MYT1L: variants seen among roughly 807,000 people sequenced by gnomAD.
MYT1L encodes myelin transcription factor 1 like, also known as myelin transcription factor 1-like protein.
In MYT1L, 12 loss-of-function variants were observed where a neutral mutation model predicts 126.7. The observed-to-expected ratio is 0.09, with a 90% CI of 0.06 to 0.15. The LOEUF (loss-of-function observed/expected upper bound fraction) is 0.15. Ranked by LOEUF, MYT1L falls within the 10% of genes least tolerant of loss-of-function variation. The probability of loss-of-function intolerance (pLI) is 1.00; values close to 1 mark genes in which losing one functional copy is unlikely to be tolerated. For synonymous variants in MYT1L, 541 were observed against 604.2 expected (o/e 0.90, Z 1.53); for missense variants, 979 against 1,585.2 (o/e 0.62, Z 6.49).
intron 3 of MYT1L, among the ~76,000 whole-genome samples, chr2:2,136,858 G>A (rs2083122681): frequency 6.6e-6 from 1 of 152,156 alleles, no homozygotes; most frequent in Non-Finnish European, 1.5e-5. Flanking sequence ...GCAGGAAAAG[G>A]AAATAAAGGG....
chr2:2,014,621 C>T (rs1021730056), intron 4 of MYT1L, among the ~76,000 whole-genome samples: 7 of 152,328 alleles, frequency 4.6e-5, no homozygotes, highest in African/African-American at 1.7e-4. Flanking sequence ...GGATGGGCAC[C>T]CTGCCTGACT....
intron 3 of MYT1L, among the ~76,000 whole-genome samples, chr2:2,106,141 G>A (rs751635999): frequency 5.3e-5 from 8 of 152,310 alleles, no homozygotes; most frequent in Admixed American, 4.6e-4. Flanking sequence ...GGGATCGGAC[G>A]ACCAGAAGCC....
rs397964974 is a variant in MYT1L at position 1,966,786 on chromosome 2, A to AG, written c.152+12378dup. On this transcript the variant is annotated intron_variant, in intron 8 of 24. Coordinates refer to ENST00000647738, the MANE Select transcript of MYT1L (RefSeq NM_001303052.2). ...TTATAATGTTAAGTGAAAAAAAAAA[A>AG]GAATACAAAATACAAAAAAATTTAC... Among the ~76,000 whole-genome samples, 520 of 151,948 alleles carry AG rather than the reference A, an allele frequency of 3.4e-3. 1 individual carries two copies. The highest frequency in any genetic ancestry group is 0.012 in the African/African-American group (489 of 41,420).
chr2:2,205,769 A>G (rs983389595), intron 2 of MYT1L, among the ~76,000 whole-genome samples: 1 of 152,078 alleles, frequency 6.6e-6, no homozygotes, highest in Non-Finnish European at 1.5e-5. Flanking sequence ...CCTAGGGTAC[A>G]TTTCTAGTGA....
intron 2 of MYT1L, among the ~76,000 whole-genome samples, chr2:2,226,702 C>T (rs895582285): frequency 5.9e-5 from 9 of 152,258 alleles, no homozygotes; most frequent in South Asian, 4.1e-4. Context: ...GCTGCGTTCT[C>T]GGACCTGCCC....
At chr2:2,018,053 C>T (rs143930982) in intron 4 of MYT1L, among the ~76,000 whole-genome samples, 4 of 152,228 alleles carry the variant, frequency 2.6e-5, no homozygotes, top group Non-Finnish European at 4.4e-5. Context: ...AACGCACACA[C>T]GTACATAATT....
At chr2:2,281,065 A>T (rs1226030369) in intron 2 of MYT1L, among the ~76,000 whole-genome samples, 1 of 152,170 alleles carries the variant, frequency 6.6e-6, no homozygotes. Flanking sequence ...TAATCCCCAC[A>T]TGTTGTGGGA....
At chr2:2,018,978 G>T (rs2064741961) in intron 4 of MYT1L, among the ~76,000 whole-genome samples, 1 of 152,110 alleles carries the variant, frequency 6.6e-6, no homozygotes, top group Non-Finnish European at 1.5e-5. Flanking sequence ...TTTGACTTGG[G>T]TAAGAAATAT....
intron 4 of MYT1L, among the ~76,000 whole-genome samples, chr2:2,011,932 C>T (rs892053107): frequency 6.6e-6 from 1 of 152,122 alleles, no homozygotes; most frequent in Non-Finnish European, 1.5e-5. Context: ...TTGAGGATGG[C>T]CCCAGGTGCT....
At chr2:1,925,995 G>A (rs991143063) in intron 9 of MYT1L, among the ~76,000 whole-genome samples, 1 of 152,124 alleles carries the variant, frequency 6.6e-6, no homozygotes. Context: ...AGAGCAGCCC[G>A]TTGGTAGAAG....
At chr2:2,095,986 T>C (rs2077426114) in intron 3 of MYT1L, among the ~76,000 whole-genome samples, 1 of 151,996 alleles carries the variant, frequency 6.6e-6, no homozygotes, top group Non-Finnish European at 1.5e-5. Context: ...GGGATGTTCA[T>C]GGGTGGGTCT....
At chr2:2,133,135 G>A (rs1490247195) in intron 3 of MYT1L, among the ~76,000 whole-genome samples, 1 of 152,158 alleles carries the variant, frequency 6.6e-6, no homozygotes, top group Admixed American at 6.6e-5. Context: ...TAGGGCAAAG[G>A]CTCGCATGCC....
intron 2 of MYT1L, among the ~76,000 whole-genome samples, chr2:2,189,206 G>A (rs970457249): frequency 3.3e-5 from 5 of 152,198 alleles, no homozygotes; most frequent in East Asian, 1.9e-4. Context: ...TGCCGCCACC[G>A]CAGCGTAAGA....
chr2:2,131,073 T>C (rs1044363294), intron 3 of MYT1L, among the ~76,000 whole-genome samples: 1 of 152,196 alleles, frequency 6.6e-6, no homozygotes, highest in Non-Finnish European at 1.5e-5. Context: ...CTTATGGAAG[T>C]AGAGACGGGA....
chr2:1,968,280 C>A (rs1429593313), intron 8 of MYT1L, among the ~76,000 whole-genome samples: 1 of 113,436 alleles, frequency 8.8e-6, no homozygotes, highest in African/African-American at 5.6e-5. Context: ...CCCTTCCTGG[C>A]TCCCCAGAGC....
chr2:2,198,552 A>G (rs1188435048), intron 2 of MYT1L, among the ~76,000 whole-genome samples: 1 of 152,142 alleles, frequency 6.6e-6, no homozygotes, highest in Non-Finnish European at 1.5e-5. Context: ...TACAATTACC[A>G]CGTGTCAATT....
intron 14 of MYT1L, among the ~76,000 whole-genome samples, chr2:1,895,809 C>G (rs1048736034): frequency 2.6e-5 from 4 of 152,080 alleles, no homozygotes; most frequent in African/African-American, 9.7e-5. Context: ...TCTCCAAAAG[C>G]AATTGCAACA....
chr2:1,892,384 A>C (rs2049004254), intron 14 of MYT1L, 97 bp from the exon 15 acceptor site: 8 of 1,464,892 alleles, frequency 5.5e-6, no homozygotes, highest in Non-Finnish European at 6.3e-6. Context: ...TCAGCCACAC[A>C]CAGCCGCGTG....
At chr2:1,900,695 C>T (rs960915015) in intron 14 of MYT1L, among the ~76,000 whole-genome samples, 66 of 152,358 alleles carry the variant, frequency 4.3e-4, no homozygotes, top group African/African-American at 1.5e-3. Flanking sequence ...ATCCGTGTAA[C>T]ACTTGCGCCT....
Sources: gnomAD v4.1 joint callset for allele counts (sites outside exome capture counted in the v4.1 genomes callset) on GRCh38, gnomAD v4.1.1 for gene constraint, MANE v1.5 for transcripts, NCBI Gene and HGNC (gene_info 2026-07-23, HGNC 2026-07-21) for gene names.